The following FAT2 variants were observed in gnomAD, a reference collection of about 807,000 sequenced individuals.
FAT2 encodes the protein FAT atypical cadherin 2.
A neutral mutation model predicts 295.3 loss-of-function variants in FAT2; 150 were observed. That is an observed-to-expected ratio of 0.51 (90% confidence interval 0.44 to 0.58). The LOEUF (loss-of-function observed/expected upper bound fraction) is 0.58. Ranked by LOEUF, FAT2 falls within the 20% of genes least tolerant of loss-of-function variation. FAT2 has a pLI of 0.00. For synonymous variants in FAT2, 2,026 were observed against 2,150.3 expected (o/e 0.94, Z 1.60); for missense variants, 4,868 against 5,442.7 (o/e 0.89, Z 3.32).
At chr5:151,536,778 A>G (rs1452319282) in intron 12 of FAT2, among the ~76,000 whole-genome samples, 1 of 152,206 alleles carries the variant, frequency 6.6e-6, no homozygotes. Context: ...TGCAGCATAG[A>G]TACCTTGAGA....
chr5:151,586,803 G>A (rs185952656), intron 1 of FAT2, among the ~76,000 whole-genome samples: 41 of 152,298 alleles, frequency 2.7e-4, no homozygotes, highest in African/African-American at 9.9e-4. Flanking sequence ...TCTGATAGGG[G>A]AAGAGTTGGT....
chr5:151,565,646 C>CTCCCCCCCCCA, intron 2 of FAT2, 27 bp downstream of exon 2: 1 of 1,513,842 alleles, frequency 6.6e-7, no homozygotes, highest in Non-Finnish European at 8.9e-7. Flanking sequence ...CTGGCCCTGG[C>CTCCCCCCCCCA]ACCCCACCCT....
chr5:151,554,940 C>G (rs1757555281), intron 4 of FAT2, among the ~76,000 whole-genome samples: 1 of 152,152 alleles, frequency 6.6e-6, no homozygotes, highest in Non-Finnish European at 1.5e-5. Context: ...TGGGACAACC[C>G]CTGGGCCATT....
chr5:151,506,003 C>A lies in FAT2; in HGVS notation c.12612G>T (p.Pro4204=), dbSNP rs142209223. The part of the protein sequence containing the change: ...PHSEVTQGPL[P]PSAHRHSTPV... ...GGGTTGAGTGGCGGTGAGCCGAGGG[C>A]GGCAGAGGGCCCTGAGTCACTTCGG... The change falls in exon 24 of 24, where the codon CCG becomes CCT. Residue 4204 remains proline (P), a synonymous_variant. Transcript: ENST00000261800. 1 of 1,575,160 alleles carries A rather than the reference C, an allele frequency of 6.3e-7. No individual in the cohort carries two copies. The highest frequency in any genetic ancestry group is 8.6e-7 in the Non-Finnish European group (1 of 1,163,898).
rs986572633 is a variant in FAT2 at position 151,529,927 on chromosome 5, C to T, written c.9812-535G>A. 5.9e-5 allele frequency among the ~76,000 whole-genome samples: 9 copies of T among 152,292 alleles called. No individual in the cohort carries two copies. The South Asian group carries it at 1.0e-3, about 18-fold the overall frequency. On this transcript the variant is annotated intron_variant, in intron 14 of 23. Transcript: ENST00000261800. ...GAACAAGGATTTATCCTGCCTTTCC[C>T]GGCTAACCAAATAGTTAATGGTGGA...
chr5:151,580,928 T>C (rs1241962059), intron 1 of FAT2, among the ~76,000 whole-genome samples: 1 of 152,212 alleles, frequency 6.6e-6, no homozygotes, highest in Non-Finnish European at 1.5e-5. Context: ...GCAGGCCCTG[T>C]GGCCAACAGC....
chr5:151,538,826 GCCA>G lies in FAT2; in HGVS notation c.9040-883_9040-881del, dbSNP rs1383602154. 2.6e-5 allele frequency among the ~76,000 whole-genome samples: 4 copies of G among 151,462 alleles called. No homozygotes were observed. The South Asian group carries it at 8.4e-4, about 32-fold the overall frequency. ...TAGGTAGCTGGGAGTACAGGTGCGT[GCCA>G]CCACACCTGGCTAATTTTTTTTTTT... is the stretch of plus-strand genomic sequence containing the variant. On this transcript the variant is annotated intron_variant, in intron 11 of 23. Coordinates refer to ENST00000261800, the MANE Select transcript of FAT2 (RefSeq NM_001447.3).
At chr5:151,556,182 G>T in intron 4 of FAT2, 162 bp downstream of exon 4, 1 of 652,720 alleles carries the variant, frequency 1.5e-6, no homozygotes, top group Non-Finnish European at 2.8e-6. Flanking sequence ...CAGTGCTGAG[G>T]AGCTAGCAAA....
chr5:151,587,172 A>C (rs1025409157), intron 1 of FAT2, among the ~76,000 whole-genome samples: 3 of 152,102 alleles, frequency 2.0e-5, no homozygotes, highest in Non-Finnish European at 4.4e-5. Flanking sequence ...AAAACAAAAA[A>C]AAAACAAAAA....
intron 1 of FAT2, among the ~76,000 whole-genome samples, chr5:151,578,020 C>CAA (rs546727587): frequency 4.1e-5 from 4 of 97,958 alleles, no homozygotes; most frequent in African/African-American, 1.5e-4. Context: ...AAGGGAAAGG[C>CAA]AAAAAAAAAA....
chr5:151,545,310 G>A lies in FAT2; in HGVS notation c.5817C>T (p.Leu1939=), dbSNP rs1756513913. 1 of 1,613,990 alleles carries A rather than the reference G, an allele frequency of 6.2e-7. No homozygotes were observed. The highest frequency in any genetic ancestry group is 1.3e-5 in the African/African-American group (1 of 74,900). Residue 1939 remains leucine, a synonymous_variant, in exon 10 of 24, where the codon CTC becomes CTT. Coordinates refer to ENST00000261800, the MANE Select transcript of FAT2 (RefSeq NM_001447.3). ...ACAAGCCATCAGAAGCCCTGATGGT[G>A]AGCTTCCGAGAGAGTCCCAGGAAAG... is the stretch of plus-strand genomic sequence containing the variant. The part of the protein sequence containing the change: ...NPAFLGLSRK[L]TIRASDGLYQ...
intron 20 of FAT2, among the ~76,000 whole-genome samples, chr5:151,516,598 C>A (rs997214): frequency 0.71 from 108,480 of 152,020 alleles, 39,190 homozygotes; most frequent in East Asian, 0.96. Context: ...ATACTTATCA[C>A]ATTTGAACAA....
Position 151,568,744 on chromosome 5 carries a change from G to T in FAT2, c.188C>A (p.Ala63Glu), listed in dbSNP as rs192641187. 1 of 1,614,108 alleles carries T rather than the reference G, an allele frequency of 6.2e-7. No individual in the cohort carries two copies. The highest frequency in any genetic ancestry group is 2.2e-5 in the East Asian group (1 of 44,884). ...ESFEKMGIYLAEPQWAVRYRI... is the reference protein window; with the variant it reads ...ESFEKMGIYLEEPQWAVRYRI... ...GTACCTCACTGCCCACTGTGGCTCC[G>T]CGAGGTAGATGCCCATTTTCTCGAA... Residue 63 changes from alanine to glutamate, a missense_variant, in exon 2 of 24, where the codon GCG becomes GAG. Transcript: ENST00000261800.
In FAT2 at chr5:151,544,227, G is replaced by A. The variant is rs1041323623; in HGVS notation, c.6900C>T (p.Asp2300=). 2 of 1,614,080 alleles carry A rather than the reference G, an allele frequency of 1.2e-6. No homozygotes were observed. Among genetic ancestry groups the A allele is most frequent in the Non-Finnish European group, 1.7e-6 (2 of 1,180,038 alleles). Residue 2300 remains aspartate, a synonymous_variant, in exon 10 of 24, where the codon GAC becomes GAT. Transcript: ENST00000261800. ...AAGAGACGTCACGGTTCCGCCCTGAGTCCTGGTCAGAAGCCAACAGTTGGA... is the reference window on the plus strand; with the variant it reads ...AAGAGACGTCACGGTTCCGCCCTGAATCCTGGTCAGAAGCCAACAGTTGGA... ...PVIQLLASDQ[D]SGRNRDVSYQ...
Position 151,566,132 on chromosome 5 carries a change from C to A in FAT2, c.2800G>T (p.Val934Phe), listed in dbSNP as rs1473354235. The A allele has an allele frequency of 1.1e-5, 17 of 1,614,142 alleles. No individual in the cohort carries two copies. The highest frequency in any genetic ancestry group is 1.3e-5 in the African/African-American group (1 of 75,046). The change falls in exon 2 of 24, where the codon GTT (valine) becomes TTT (phenylalanine). Residue 934 changes from valine (V) to phenylalanine (F), a missense_variant. By Grantham distance (50) the Val-to-Phe change is conservative. Transcript: ENST00000261800. The part of the protein sequence containing the change: ...QCITEHNRLK[V>F]PEDLPPGTVL... ...GTCCCGGGGGGCAGGTCCTCTGGAA[C>A]CTTCAGCCTGTTGTGTTCTGTGATG...
chr5:151,521,398 C>A lies in FAT2; in HGVS notation c.11195G>T (p.Cys3732Phe). The A allele has an allele frequency of 6.2e-7, 1 of 1,614,200 alleles. No individual in the cohort carries two copies. The highest frequency in any genetic ancestry group is 2.2e-5 in the East Asian group (1 of 44,880). The part of the protein sequence containing the change: ...MPMVPCQGPT[C>F]QGQICHNTVH... The stretch of plus-strand genomic sequence containing the variant: ...TGTGTTATGGCAGATTTGACCCTGG[C>A]AGGTTGGCCCCTGGCAGGGCACCAT... The change falls in exon 19 of 24, where the codon TGC becomes TTC. Residue 3732 changes from cysteine to phenylalanine, a missense_variant. This residue lies in a region of FAT2 where 1,046 missense variants were observed against 1,210.1 expected (regional missense o/e 0.86). Coordinates refer to ENST00000261800, the MANE Select transcript of FAT2 (RefSeq NM_001447.3).
In FAT2 at chr5:151,566,159, A is replaced by T. The variant is rs863223397; in HGVS notation, c.2773T>A (p.Cys925Ser). The T allele has an allele frequency of 1.2e-6, 2 of 1,614,154 alleles. No individual in the cohort carries two copies. The highest frequency in any genetic ancestry group is 2.2e-5 in the South Asian group (2 of 91,062). The change falls in exon 2 of 24, where the codon TGC becomes AGC. Residue 925 changes from cysteine (C) to serine (S), a missense_variant. By Grantham distance (112) the Cys-to-Ser change is moderately radical. Around this residue, in one of 5 missense-constraint regions of FAT2, gnomAD observed 3,297 missense variants for 3,669.4 expected, o/e 0.90. Transcript: ENST00000261800. ...TTCAGCCTGTTGTGTTCTGTGATGCACTGGGGAGAGTTGTCGTTGACATCC... is the reference window on the plus strand; with the variant it reads ...TTCAGCCTGTTGTGTTCTGTGATGCTCTGGGGAGAGTTGTCGTTGACATCC... ...LEDVNDNSPQCITEHNRLKVP... is the reference protein window; with the variant it reads ...LEDVNDNSPQSITEHNRLKVP...
At chr5:151,534,376 A>T (rs770195515) in intron 13 of FAT2, 33 bp downstream of exon 13, 6 of 1,543,694 alleles carry the variant, frequency 3.9e-6, no homozygotes, top group Non-Finnish European at 4.4e-6. Flanking sequence ...CCAGGAGATC[A>T]TTGGAAATGG....
In FAT2 at chr5:151,515,537, C is replaced by T. The variant is rs151005507; in HGVS notation, c.11463+2083G>A. Reference sequence around the variant, plus strand: ...GAAACTGCACTCTGATCTCCCCTCCCCAAACCTTGTATCCACCCATACCCT... The same window carrying T: ...GAAACTGCACTCTGATCTCCCCTCCTCAAACCTTGTATCCACCCATACCCT... On this transcript the variant is annotated intron_variant, in intron 20 of 23. Coordinates refer to ENST00000261800, the MANE Select transcript of FAT2 (RefSeq NM_001447.3). Among the ~76,000 whole-genome samples, 14 of 152,308 alleles carry T rather than the reference C, an allele frequency of 9.2e-5. No homozygotes were observed. The East Asian group carries it at 1.7e-3, about 19-fold the overall frequency.
Sources: gnomAD v4.1 joint callset for allele counts (sites outside exome capture counted in the v4.1 genomes callset) on GRCh38, gnomAD v4.1.1 for gene constraint, gnomAD v4.1.1 regional missense constraint, MANE v1.5 for transcripts, NCBI Gene and HGNC (gene_info 2026-07-23, HGNC 2026-07-21) for gene names.